Variants in PTPRD observed in about 807,000 individuals in gnomAD.
PTPRD encodes receptor-type tyrosine-protein phosphatase delta.
In PTPRD, 34 loss-of-function variants were observed where a neutral mutation model predicts 214.5. The observed-to-expected ratio is 0.16, with a 90% CI of 0.12 to 0.21. The LOEUF (loss-of-function observed/expected upper bound fraction) is 0.21, where lower values mean the gene tolerates loss of function less well. PTPRD is among the 10% of genes least tolerant of loss of function. The pLI is 1.00. For synonymous variants in PTPRD, 1,128 were observed against 845.7 expected, an observed-to-expected ratio of 1.33 and a Z score of -5.79; for missense variants, 2,545 against 2,398.7, an observed-to-expected ratio of 1.06 and a Z score of -1.27.
intron 11 of PTPRD, among the ~76,000 whole-genome samples, chr9:8,776,912 ATAT>A (rs2095505517): frequency 4.9e-5 from 1 of 20,540 alleles, no homozygotes; most frequent in Non-Finnish European, 8.8e-5. Context: ...TATGTATAAT[ATAT>A]GTATAATATA....
chr9:9,527,024 A>G (rs1312936863), intron 8 of PTPRD, among the ~76,000 whole-genome samples: 1 of 152,188 alleles, frequency 6.6e-6, no homozygotes, highest in Non-Finnish European at 1.5e-5. Context: ...CTTGCCAAGT[A>G]AAATATAATA....
intron 11 of PTPRD, among the ~76,000 whole-genome samples, chr9:8,778,753 C>A (rs971237463): frequency 1.3e-5 from 2 of 152,184 alleles, no homozygotes; most frequent in Non-Finnish European, 2.9e-5. Flanking sequence ...CTTGTCCACT[C>A]TGAGACCGTG....
chr9:9,611,876 C>T (rs772888289), intron 7 of PTPRD, among the ~76,000 whole-genome samples: 34 of 152,172 alleles, frequency 2.2e-4, no homozygotes, highest in African/African-American at 5.5e-4. Flanking sequence ...CTCTCTCATA[C>T]GCACTTTGAA....
chr9:8,762,342 A>G (rs1458943242), intron 11 of PTPRD, among the ~76,000 whole-genome samples: 1 of 152,198 alleles, frequency 6.6e-6, no homozygotes, highest in African/African-American at 2.4e-5. Flanking sequence ...TGTTAGGACT[A>G]TATCAATAAA....
intron 8 of PTPRD, among the ~76,000 whole-genome samples, chr9:9,476,800 A>G (rs976759088): frequency 7.9e-5 from 12 of 152,074 alleles, no homozygotes; most frequent in Admixed American, 6.6e-5. Flanking sequence ...CGATGGCACC[A>G]TCTTGGCTCA....
intron 33 of PTPRD, among the ~76,000 whole-genome samples, chr9:8,455,831 G>A: frequency 6.6e-6 from 1 of 152,156 alleles, no homozygotes; most frequent in South Asian, 2.1e-4. Context: ...CTATGCCTCA[G>A]GATGGAAAAC....
intron 3 of PTPRD, among the ~76,000 whole-genome samples, chr9:10,156,077 T>C (rs887928386): frequency 3.4e-5 from 4 of 117,748 alleles, no homozygotes; most frequent in African/African-American, 9.9e-5. Flanking sequence ...CTTTTGAATG[T>C]TTGTGTGTGT....
intron 2 of PTPRD, among the ~76,000 whole-genome samples, chr9:10,552,753 T>C (rs1326022142): frequency 6.6e-6 from 1 of 152,136 alleles, no homozygotes; most frequent in Non-Finnish European, 1.5e-5. Flanking sequence ...GTGGCCATTC[T>C]GCTCTCCCAT....
chr9:9,103,874 C>T (rs1362767082), intron 10 of PTPRD, among the ~76,000 whole-genome samples: 1 of 152,056 alleles, frequency 6.6e-6, no homozygotes, highest in Non-Finnish European at 1.5e-5. Context: ...CCCAGATACC[C>T]TGGAGGCTGA....
At chr9:10,527,028 T>G (rs1269572285) in intron 2 of PTPRD, among the ~76,000 whole-genome samples, 1 of 152,132 alleles carries the variant, frequency 6.6e-6, no homozygotes, top group South Asian at 2.1e-4. Context: ...AATATAAATG[T>G]ACAATTGAAA....
At chr9:9,713,951 T>G (rs1459291358) in intron 7 of PTPRD, among the ~76,000 whole-genome samples, 1 of 152,086 alleles carries the variant, frequency 6.6e-6, no homozygotes, top group Non-Finnish European at 1.5e-5. Flanking sequence ...GAAGGTAGGT[T>G]ACCCTCCTTA....
chr9:8,833,719 C>T (rs570206668), intron 11 of PTPRD, among the ~76,000 whole-genome samples: 8 of 141,298 alleles, frequency 5.7e-5, no homozygotes, highest in African/African-American at 1.7e-4. Context: ...TATATATACA[C>T]ACACACACAC....
chr9:9,282,125 T>C (rs904035381), intron 9 of PTPRD, among the ~76,000 whole-genome samples: 3 of 151,336 alleles, frequency 2.0e-5, no homozygotes, highest in African/African-American at 4.8e-5. Context: ...AGGTGAAGTA[T>C]AGAGGACTTT....
At chr9:9,968,504 G>A (rs1179100727) in intron 4 of PTPRD, among the ~76,000 whole-genome samples, 1 of 152,080 alleles carries the variant, frequency 6.6e-6, no homozygotes, top group East Asian at 1.9e-4. Flanking sequence ...AAAGTAAAGA[G>A]CAACTAGTCA....
intron 8 of PTPRD, among the ~76,000 whole-genome samples, chr9:9,461,651 C>T (rs2093665410): frequency 6.6e-6 from 1 of 152,108 alleles, no homozygotes. Flanking sequence ...AAAAGGTCTA[C>T]AAAATTGTAA....
intron 5 of PTPRD, among the ~76,000 whole-genome samples, chr9:9,910,688 T>TA (rs1196142845): frequency 1.4e-4 from 21 of 152,162 alleles, no homozygotes; most frequent in African/African-American, 4.8e-4. Flanking sequence ...ATAGATGTAT[T>TA]TGTCATTTTC....
chr9:8,336,484 G>GAAAAAAAAAA (rs1564050147), intron 43 of PTPRD, among the ~76,000 whole-genome samples: 3 of 142,858 alleles, frequency 2.1e-5, no homozygotes, highest in African/African-American at 2.6e-5. Flanking sequence ...GTAAAATGAT[G>GAAAAAAAAAA]AAAACCCCTA....
intron 5 of PTPRD, among the ~76,000 whole-genome samples, chr9:9,851,731 G>A (rs12378854): frequency 6.6e-5 from 10 of 152,144 alleles, no homozygotes; most frequent in Non-Finnish European, 1.5e-4. Context: ...AGTTAGCCAT[G>A]TTTGCACCAC....
intron 2 of PTPRD, among the ~76,000 whole-genome samples, chr9:10,490,166 G>C (rs1184810041): frequency 6.6e-6 from 1 of 152,016 alleles, no homozygotes; most frequent in Non-Finnish European, 1.5e-5. Context: ...TCTTTTGGAG[G>C]GATATAGTTA....
Sources: gnomAD v4.1 joint callset for allele counts (sites outside exome capture counted in the v4.1 genomes callset) on GRCh38, gnomAD v4.1.1 for gene constraint, MANE v1.5 for transcripts, NCBI Gene and HGNC (gene_info 2026-07-23, HGNC 2026-07-21) for gene names.